The following ZSWIM6 variants were observed in gnomAD, a reference collection of about 807,000 sequenced individuals.
ZSWIM6 encodes zinc finger SWIM domain-containing protein 6.
Under a neutral mutation model 113.2 loss-of-function variants are expected in ZSWIM6, and 9 were observed. That is an observed-to-expected ratio of 0.08 (90% CI 0.05 to 0.14). The LOEUF is 0.14. ZSWIM6 is among the 10% of genes least tolerant of loss of function. The pLI, the probability that ZSWIM6 is intolerant of heterozygous loss-of-function variation, is 1.00. For missense variants in ZSWIM6, 1,162 were observed against 1,552.2 expected, an observed-to-expected ratio of 0.75 and a Z score of 4.22; for synonymous variants, 611 against 606.5, an observed-to-expected ratio of 1.01 and a Z score of -0.11.
rs112376220 is a variant in ZSWIM6, at chr5:61,453,603, T to C, written c.677-19078T>C. Among the ~76,000 whole-genome samples the C allele has an allele frequency of 2.6e-4, 40 of 152,218 alleles. 1 individual carries two copies. The highest frequency in any genetic ancestry group is 9.6e-4 in the African/African-American group (40 of 41,530). On this transcript the variant is annotated intron_variant, in intron 1 of 13. Coordinates refer to ENST00000252744, the MANE Select transcript of ZSWIM6 (RefSeq NM_020928.2). Reference sequence around the variant, plus strand: ...GTTGTCCAGGCTGGTCTCAAACTCCTGGGCTCAAGCAGTCCACTTGCCTTG... The same window carrying C: ...GTTGTCCAGGCTGGTCTCAAACTCCCGGGCTCAAGCAGTCCACTTGCCTTG...
At chr5:61,375,713 T>C in intron 1 of ZSWIM6, 2 of 1,546,526 alleles carry the variant, frequency 1.3e-6, no homozygotes, top group Non-Finnish European at 8.8e-7. Context: ...TCAGAGTATA[T>C]TGAGGAGGTG....
chr5:61,406,072 C>T (rs1167683671), intron 1 of ZSWIM6, among the ~76,000 whole-genome samples: 1 of 152,168 alleles, frequency 6.6e-6, no homozygotes, highest in African/African-American at 2.4e-5. Flanking sequence ...AGGCTTCTCC[C>T]TGCTTTGGCA....
intron 1 of ZSWIM6, among the ~76,000 whole-genome samples, chr5:61,447,920 A>C (rs1449579801): frequency 6.6e-6 from 1 of 152,150 alleles, no homozygotes; most frequent in Non-Finnish European, 1.5e-5. Flanking sequence ...GTGTGCTAAA[A>C]TAGGAATTAG....
At chr5:61,430,822 G>A (rs566704441) in intron 1 of ZSWIM6, among the ~76,000 whole-genome samples, 3 of 152,214 alleles carry the variant, frequency 2.0e-5, no homozygotes, top group East Asian at 1.9e-4. Context: ...CAATGAAACC[G>A]AAGTATTTTC....
intron 1 of ZSWIM6, among the ~76,000 whole-genome samples, chr5:61,450,614 G>A (rs1196483279): frequency 6.6e-6 from 1 of 151,874 alleles, no homozygotes; most frequent in Non-Finnish European, 1.5e-5. Context: ...ATTTCCTGGT[G>A]GTGAATTTAT....
chr5:61,432,723 C>T (rs1746613346), intron 1 of ZSWIM6, among the ~76,000 whole-genome samples: 1 of 152,210 alleles, frequency 6.6e-6, no homozygotes, highest in Non-Finnish European at 1.5e-5. Flanking sequence ...CAGATACTGT[C>T]TACTGACAGT....
At chr5:61,437,062 G>C (rs1746723683) in intron 1 of ZSWIM6, among the ~76,000 whole-genome samples, 1 of 152,096 alleles carries the variant, frequency 6.6e-6, no homozygotes, top group Admixed American at 6.6e-5. Context: ...CAATTAGCTG[G>C]TGTAAAGTCA....
intron 1 of ZSWIM6, among the ~76,000 whole-genome samples, chr5:61,378,729 A>T (rs1016933196): frequency 6.6e-6 from 1 of 151,854 alleles, no homozygotes; most frequent in African/African-American, 2.4e-5. Flanking sequence ...CTAATTTTGT[A>T]TTTTTTTAGT....
Position 61,332,867 on chromosome 5 carries a change from G to A in ZSWIM6, c.595G>A (p.Gly199Ser). The change falls in exon 1 of 14, where the codon GGC becomes AGC. Residue 199 changes from glycine to serine, a missense_variant. This residue lies in a region of ZSWIM6 where 333 missense variants were observed against 293.4 expected (regional missense o/e 1.13). Coordinates refer to ENST00000252744, the MANE Select transcript of ZSWIM6 (RefSeq NM_020928.2). The part of the protein sequence containing the change: ...PSVGAAGAAD[G>S]GDETRLPFRR... Reference sequence around the variant, plus strand: ...GGTGGGGGCTGCCGGGGCGGCGGACGGCGGCGACGAGACGCGGCTGCCTTT... The same window carrying A: ...GGTGGGGGCTGCCGGGGCGGCGGACAGCGGCGACGAGACGCGGCTGCCTTT... The A allele has an allele frequency of 2.4e-6, 3 of 1,240,856 alleles. No individual in the cohort carries two copies. Among genetic ancestry groups the A allele is most frequent in the East Asian group, 3.8e-5 (1 of 26,036 alleles). 76.9% of individuals were successfully genotyped at this position (1,240,856 alleles called of 1,614,324 possible).
At chr5:61,484,561 A>C (rs1747964543) in intron 2 of ZSWIM6, among the ~76,000 whole-genome samples, 2 of 152,186 alleles carry the variant, frequency 1.3e-5, no homozygotes, top group Non-Finnish European at 2.9e-5. Context: ...TTATGTAAAG[A>C]ATCTATAGGT....
chr5:61,478,731 A>C (rs1184430170), intron 2 of ZSWIM6, among the ~76,000 whole-genome samples: 1 of 148,976 alleles, frequency 6.7e-6, no homozygotes, highest in Non-Finnish European at 1.5e-5. Context: ...GTGTGTGTGA[A>C]TTTGTATAGA....
chr5:61,446,972 T>C (rs1022156736), intron 1 of ZSWIM6, among the ~76,000 whole-genome samples: 12 of 152,150 alleles, frequency 7.9e-5, no homozygotes, highest in African/African-American at 2.9e-4. Flanking sequence ...CACTGATAGG[T>C]AATCCTGTGA....
At chr5:61,374,617 G>C (rs1005709441) in intron 1 of ZSWIM6, among the ~76,000 whole-genome samples, 1 of 152,058 alleles carries the variant, frequency 6.6e-6, no homozygotes, top group Non-Finnish European at 1.5e-5. Flanking sequence ...GCAGTGGCCC[G>C]ATCTCGGCTT....
At chr5:61,366,339 C>T (rs75686262) in intron 1 of ZSWIM6, among the ~76,000 whole-genome samples, 3,488 of 152,240 alleles carry the variant, frequency 0.023, 160 homozygotes, top group East Asian at 0.21. Flanking sequence ...GGATAGTGGC[C>T]GTGCCACGTT....
At chr5:61,372,036 A>G (rs1229510736) in intron 1 of ZSWIM6, among the ~76,000 whole-genome samples, 1 of 149,816 alleles carries the variant, frequency 6.7e-6, no homozygotes, top group African/African-American at 2.5e-5. Context: ...TTGATTTATT[A>G]TCTTTCGGAG....
In ZSWIM6 at chr5:61,370,406, A is replaced by G. The variant is rs563085115; in HGVS notation, c.676+37458A>G. Among the ~76,000 whole-genome samples the G allele has an allele frequency of 2.6e-5, 4 of 152,360 alleles. No homozygotes were observed. The East Asian group carries it at 5.8e-4, about 22-fold the overall frequency. ...TTTTTCCTCCTTGTATTTCCTATGC[A>G]TTAAATGCAGGTTTTCATTATTTGT... On this transcript the variant is annotated intron_variant, in intron 1 of 13. Coordinates refer to ENST00000252744, the MANE Select transcript of ZSWIM6 (RefSeq NM_020928.2).
At chr5:61,356,697 A>G (rs1036984541) in intron 1 of ZSWIM6, among the ~76,000 whole-genome samples, 11 of 134,860 alleles carry the variant, frequency 8.2e-5, no homozygotes, top group African/African-American at 2.8e-4. Flanking sequence ...TAATATACAT[A>G]TTTTATATAT....
chr5:61,374,185 G>A (rs1021517923), intron 1 of ZSWIM6, among the ~76,000 whole-genome samples: 1 of 152,180 alleles, frequency 6.6e-6, no homozygotes, highest in Admixed American at 6.5e-5. Context: ...TATGTTAGGG[G>A]TGATATGTTC....
chr5:61,334,202 A>G (rs1252369788), intron 1 of ZSWIM6, among the ~76,000 whole-genome samples: 1 of 152,166 alleles, frequency 6.6e-6, no homozygotes, highest in Non-Finnish European at 1.5e-5. Flanking sequence ...TTAGTTTAAA[A>G]GTGTCTCCTG....
Sources: allele counts gnomAD v4.1 joint callset (sites outside exome capture counted in the v4.1 genomes callset), GRCh38; gene constraint gnomAD v4.1.1; regional missense constraint gnomAD v4.1.1; transcripts MANE v1.5; gene names NCBI Gene and HGNC (gene_info 2026-07-23, HGNC 2026-07-21).